The following P4HA2 variants were observed in gnomAD, a reference collection of about 807,000 sequenced individuals.
The protein encoded by P4HA2 is prolyl 4-hydroxylase subunit alpha-2.
Under a neutral mutation model 76.9 loss-of-function variants are expected in P4HA2, and 46 were observed. The ratio of observed to expected loss-of-function variants is 0.60; its 90% confidence interval spans 0.47 to 0.76. P4HA2 has a LOEUF of 0.76. Among genes scored for constraint, P4HA2 ranks in the 30% least tolerant of loss-of-function variants. The probability of loss-of-function intolerance (pLI) is 0.00; values close to 1 mark genes in which losing one functional copy is unlikely to be tolerated. For synonymous variants in P4HA2, 243 were observed against 254.0 expected (o/e 0.96, Z 0.41); for missense variants, 583 against 669.4 (o/e 0.87, Z 1.42).
chr5:132,208,793 T>TA (rs764305012), intron 7 of P4HA2, among the ~76,000 whole-genome samples: 17 of 151,980 alleles, frequency 1.1e-4, no homozygotes, highest in Non-Finnish European at 4.4e-5. Context: ...CACAGAGACT[T>TA]ACTCTCCACT....
Position 132,190,181 on chromosome 5 carries a change from T to A in P4HA2, c.*2829A>T, listed in dbSNP as rs190599346. 1.3e-5 allele frequency among the ~76,000 whole-genome samples: 2 copies of A among 152,344 alleles called. No homozygotes were observed. Among genetic ancestry groups the A allele is most frequent in the East Asian group, 3.9e-4 (2 of 5,192 alleles). On this transcript the variant is annotated 3_prime_UTR_variant, in exon 15 of 15. Transcript: ENST00000360568. The stretch of plus-strand genomic sequence containing the variant: ...AAATCATTTAATTTTCCACAATTGA[T>A]TAAGGATACCATTGTACAAATTCAA...
chr5:132,225,762 G>A (rs1489663860), intron 1 of P4HA2, among the ~76,000 whole-genome samples: 1 of 152,234 alleles, frequency 6.6e-6, no homozygotes, highest in Admixed American at 6.5e-5. Flanking sequence ...AGTAAGCACT[G>A]TCTAGAGTAC....
intron 4 of P4HA2, among the ~76,000 whole-genome samples, chr5:132,215,618 G>A (rs1753739329): frequency 6.6e-6 from 1 of 152,192 alleles, no homozygotes; most frequent in South Asian, 2.1e-4. Flanking sequence ...GGGCTAAAAT[G>A]TCTCAGCCAG....
chr5:132,222,664 C>T (rs1005589036), intron 1 of P4HA2, among the ~76,000 whole-genome samples: 12 of 152,220 alleles, frequency 7.9e-5, no homozygotes, highest in South Asian at 2.1e-4. Flanking sequence ...TGCCAGGTTT[C>T]GTATCTTCAA....
At chr5:132,221,117 A>G (rs974298318) in intron 1 of P4HA2, among the ~76,000 whole-genome samples, 3 of 152,192 alleles carry the variant, frequency 2.0e-5, no homozygotes, top group African/African-American at 7.2e-5. Context: ...GGAAAGGCCA[A>G]CCTCCAACCC....
At chr5:132,207,147 G>C (rs1206299322) in intron 8 of P4HA2, among the ~76,000 whole-genome samples, 2 of 152,062 alleles carry the variant, frequency 1.3e-5, no homozygotes, top group Non-Finnish European at 2.9e-5. Flanking sequence ...AATGTAACCA[G>C]TTAAAAATAA....
rs200534779 is a variant in P4HA2 at position 132,207,825 on chromosome 5, C to T, written c.963G>A (p.Gln321=). The part of the protein sequence containing the change: ...CRYHHGNRAP[Q]LLIAPFKEED... ...CCTCTTTGAAGGGGGCAATGAGCAG[C>T]TGTGGGGCCCTGTTGCCATGGTGGT... The change falls in exon 8 of 15, where the codon CAG becomes CAA. Residue 321 remains glutamine, a synonymous_variant. Coordinates refer to ENST00000360568, the MANE Select transcript of P4HA2 (RefSeq NM_001017974.2). 1 of 1,609,174 alleles carries T rather than the reference C, an allele frequency of 6.2e-7. No individual in the cohort carries two copies. The highest frequency in any genetic ancestry group is 8.5e-7 in the Non-Finnish European group (1 of 1,177,728).
intron 5 of P4HA2, among the ~76,000 whole-genome samples, chr5:132,210,997 C>G (rs187024127): frequency 4.8e-4 from 73 of 152,132 alleles, no homozygotes; most frequent in Non-Finnish European, 9.0e-4. Context: ...GAGAAGATGA[C>G]TAAGGCCAGA....
chr5:132,215,766 T>G (rs894462667), intron 4 of P4HA2, among the ~76,000 whole-genome samples: 2 of 134,780 alleles, frequency 1.5e-5, no homozygotes, highest in Admixed American at 1.6e-4. Context: ...AGGCCAGGAG[T>G]CCAAGGTTGC....
At chr5:132,196,931 C>T (rs956982646) in intron 12 of P4HA2, among the ~76,000 whole-genome samples, 4 of 151,448 alleles carry the variant, frequency 2.6e-5, no homozygotes, top group African/African-American at 9.7e-5. Flanking sequence ...TATTGGACCT[C>T]AAGCACAAGA....
chr5:132,203,945 C>T lies in P4HA2; in HGVS notation c.1152-98G>A, dbSNP rs55805451. The T allele has an allele frequency of 9.6e-4, 1,114 of 1,160,138 alleles. 6 individuals carry two copies. In the African/African-American group the frequency reaches 0.015, roughly 15 times the overall value. The allele number at this position is 1,160,138 out of a possible 1,614,324, so 71.9% of individuals were successfully genotyped here. On this transcript the variant is annotated intron_variant, in intron 9 of 14. Transcript: ENST00000360568. ...CAGAGTCAGGGCCAGCATGAACAGG[C>T]AGTACAGGATGCCTGCTGCAAGGGG...
At position 132,218,732 on chromosome 5, in the gene P4HA2, T is replaced by A. The variant is rs1026314881; in HGVS notation, c.-18-88A>T. The stretch of plus-strand genomic sequence containing the variant: ...AGACACATAGGCATGTACACACATA[T>A]GCAGATAATCAAACATATCAAAATC... On this transcript the variant is annotated intron_variant, in intron 1 of 14. Coordinates refer to ENST00000360568, the MANE Select transcript of P4HA2 (RefSeq NM_001017974.2). 4 of 750,782 alleles carry A rather than the reference T, an allele frequency of 5.3e-6. No individual in the cohort carries two copies. In the African/African-American group the frequency reaches 6.9e-5, roughly 13 times the overall value. 46.5% of individuals were successfully genotyped at this position (750,782 alleles called of 1,614,324 possible).
chr5:132,212,563 A>G (rs1753234550), intron 5 of P4HA2, among the ~76,000 whole-genome samples: 1 of 152,190 alleles, frequency 6.6e-6, no homozygotes, highest in South Asian at 2.1e-4. Flanking sequence ...TTCAGGACAC[A>G]TGAAGTTCGA....
chr5:132,195,821 G>A, intron 12 of P4HA2: 1 of 365,992 alleles, frequency 2.7e-6, no homozygotes, highest in Non-Finnish European at 5.2e-6. Flanking sequence ...CCTTGGCCTT[G>A]CCTAAGCCAC....
At chr5:132,203,989 G>C in intron 9 of P4HA2, 93 bp downstream of exon 9, 1 of 1,196,692 alleles carries the variant, frequency 8.4e-7, no homozygotes, top group Non-Finnish European at 1.2e-6. Context: ...GTGCCAGCAG[G>C]CAGGAAAAGG....
intron 5 of P4HA2, among the ~76,000 whole-genome samples, chr5:132,211,595 T>C (rs535706231): frequency 1.3e-5 from 2 of 152,240 alleles, no homozygotes; most frequent in East Asian, 1.9e-4. Context: ...AAACACAAGA[T>C]GAAGTCCCTA....
chr5:132,209,302 G>C lies in P4HA2; in HGVS notation c.739C>G (p.Leu247Val). The C allele has an allele frequency of 6.2e-7, 1 of 1,614,108 alleles. No individual in the cohort carries two copies. ...TCCAATAACTGCTCAAAGTACCGCA[G>C]ATTCCCTCCAGCTCGTTCGTGGCTT... ...DPSHERAGGN[L>V]RYFEQLLEEE... Residue 247 changes from leucine to valine, a missense_variant, in exon 7 of 15, where the codon CTG becomes GTG. Transcript: ENST00000360568.
At chr5:132,201,946 C>T (rs1751552794) in intron 10 of P4HA2, 1 of 152,144 alleles carries the variant, frequency 6.6e-6, no homozygotes, top group African/African-American at 2.4e-5. Flanking sequence ...TTGATCAGGA[C>T]CATGAAAGTC....
chr5:132,197,373 C>T (rs1199907202), intron 12 of P4HA2, among the ~76,000 whole-genome samples: 9 of 151,952 alleles, frequency 5.9e-5, no homozygotes, highest in Admixed American at 3.9e-4. Flanking sequence ...TTTGGGAGGC[C>T]GAGGGGGGCG....
Sources: gnomAD v4.1 joint callset for allele counts (sites outside exome capture counted in the v4.1 genomes callset) on GRCh38, gnomAD v4.1.1 for gene constraint, MANE v1.5 for transcripts, NCBI Gene and HGNC (gene_info 2026-07-23, HGNC 2026-07-21) for gene names.